HCN1: variants seen among roughly 807,000 people sequenced by gnomAD.
The protein encoded by HCN1 is potassium/sodium hyperpolarization-activated cyclic nucleotide-gated channel 1.
HCN1 carries 13 observed loss-of-function variants against 78.9 expected under a neutral mutation model. That is an observed-to-expected ratio of 0.16 (90% CI 0.11 to 0.26). The LOEUF is 0.26. Among genes scored for constraint, HCN1 ranks in the 10% least tolerant of loss-of-function variants. HCN1 has a pLI of 1.00. For synonymous variants in HCN1, 552 were observed against 455.5 expected, an observed-to-expected ratio of 1.21 and a Z score of -2.70; for missense variants, 810 against 1,154.3, an observed-to-expected ratio of 0.70 and a Z score of 4.32.
intron 1 of HCN1, among the ~76,000 whole-genome samples, chr5:45,657,390 T>C (rs1745792037): frequency 6.6e-6 from 1 of 152,218 alleles, no homozygotes; most frequent in Admixed American, 6.5e-5. Context: ...ACTTATTAAA[T>C]CTTTTTTGCT....
At chr5:45,665,443 TATA>T (rs1746018920) in intron 1 of HCN1, among the ~76,000 whole-genome samples, 1 of 151,942 alleles carries the variant, frequency 6.6e-6, no homozygotes, top group Non-Finnish European at 1.5e-5. Flanking sequence ...AAACTTAAAG[TATA>T]ATAATAATAA....
intron 5 of HCN1, among the ~76,000 whole-genome samples, chr5:45,334,517 T>C (rs1746413581): frequency 1.3e-5 from 2 of 151,958 alleles, no homozygotes; most frequent in Non-Finnish European, 2.9e-5. Context: ...CTCATTTTAC[T>C]TTTTTCTTAT....
chr5:45,538,561 A>C (rs1329160020), intron 2 of HCN1, among the ~76,000 whole-genome samples: 1 of 152,168 alleles, frequency 6.6e-6, no homozygotes, highest in Non-Finnish European at 1.5e-5. Flanking sequence ...TGATATAACT[A>C]TATATCCCAT....
intron 6 of HCN1, among the ~76,000 whole-genome samples, chr5:45,277,719 G>A (rs2111862997): frequency 6.6e-6 from 1 of 152,224 alleles, no homozygotes; most frequent in African/African-American, 2.4e-5. Context: ...AACCAGGATT[G>A]ATGCTTACTC....
At chr5:45,509,867 C>T (rs182040057) in intron 2 of HCN1, among the ~76,000 whole-genome samples, 2 of 152,210 alleles carry the variant, frequency 1.3e-5, no homozygotes, top group East Asian at 3.9e-4. Flanking sequence ...CCAGGCCATA[C>T]AGCAAAGCTG....
intron 3 of HCN1, among the ~76,000 whole-genome samples, chr5:45,397,992 A>G (rs957793030): frequency 2.0e-5 from 3 of 151,664 alleles, no homozygotes; most frequent in Non-Finnish European, 2.9e-5. Context: ...AATTTTACAT[A>G]TTTTTAAATT....
At chr5:45,491,987 G>A (rs1402724945) in intron 2 of HCN1, among the ~76,000 whole-genome samples, 1 of 152,008 alleles carries the variant, frequency 6.6e-6, no homozygotes, top group East Asian at 1.9e-4. Context: ...ACATAACCAA[G>A]TATAACAAAC....
intron 4 of HCN1, among the ~76,000 whole-genome samples, chr5:45,362,148 G>A (rs554656609): frequency 6.8e-5 from 10 of 146,582 alleles, no homozygotes; most frequent in Non-Finnish European, 1.5e-4. Context: ...TGCTTGGTGT[G>A]TGTGTTTGTG....
chr5:45,558,838 A>T (rs2111871652), intron 2 of HCN1: 1 of 151,792 alleles, frequency 6.6e-6, no homozygotes, highest in Admixed American at 6.6e-5. Context: ...GCATTATCAT[A>T]GCTTATAAGA....
At chr5:45,657,037 T>G (rs1745775977) in intron 1 of HCN1, among the ~76,000 whole-genome samples, 1 of 152,144 alleles carries the variant, frequency 6.6e-6, no homozygotes. Context: ...GAATGGGTGA[T>G]GTGTCAAGGA....
At chr5:45,429,247 C>T (rs1740414975) in intron 3 of HCN1, among the ~76,000 whole-genome samples, 2 of 152,128 alleles carry the variant, frequency 1.3e-5, no homozygotes, top group South Asian at 4.1e-4. Flanking sequence ...GAAACCAGCC[C>T]AAAAGTTAGT....
chr5:45,640,091 A>T (rs999347630), intron 2 of HCN1, among the ~76,000 whole-genome samples: 2 of 152,104 alleles, frequency 1.3e-5, no homozygotes, highest in African/African-American at 4.8e-5. Context: ...GTGCAAAGCA[A>T]TTGTGTTGCT....
chr5:45,571,870 T>G (rs751996551), intron 2 of HCN1, among the ~76,000 whole-genome samples: 1 of 152,122 alleles, frequency 6.6e-6, no homozygotes, highest in African/African-American at 2.4e-5. Context: ...GCTGAGATCA[T>G]GCCATTGCAC....
chr5:45,559,779 G>A (rs1743556565), intron 2 of HCN1: 1 of 152,212 alleles, frequency 6.6e-6, no homozygotes, highest in East Asian at 1.9e-4. Context: ...AATTTTGAGA[G>A]AAATTCCAGT....
intron 2 of HCN1, among the ~76,000 whole-genome samples, chr5:45,572,155 C>T (rs1287856957): frequency 2.6e-5 from 4 of 152,176 alleles, no homozygotes; most frequent in Admixed American, 1.3e-4. Flanking sequence ...GTGGAAATTG[C>T]TTTGATAACT....
At position 45,442,531 on chromosome 5, in the gene HCN1, G is replaced by A. The variant is rs114516730; in HGVS notation, c.1011+19315C>T. ...GTATATATATTAAATAATATAAAAC[G>A]TGCATATGCATATCTATTTGTACAT... On this transcript the variant is annotated intron_variant, in intron 3 of 7. Transcript: ENST00000303230. 4.8e-3 allele frequency among the ~76,000 whole-genome samples: 731 copies of A among 150,762 alleles called. 2 individuals are homozygous for A. Among genetic ancestry groups the A allele is most frequent in the Non-Finnish European group, 7.4e-3 (501 of 67,468 alleles).
Position 45,582,596 on chromosome 5 carries a change from G to A in HCN1, c.849+62589C>T, listed in dbSNP as rs1329013680. On this transcript the variant is annotated intron_variant, in intron 2 of 7. Transcript: ENST00000303230. Reference sequence around the variant, plus strand: ...GTGAGAGAGGGCATCCCTGTCTTGTGGCAGTTTTCAAAGGGAATACTTCCA... The same window carrying A: ...GTGAGAGAGGGCATCCCTGTCTTGTAGCAGTTTTCAAAGGGAATACTTCCA... 3.3e-5 allele frequency among the ~76,000 whole-genome samples: 5 copies of A among 152,128 alleles called. No homozygotes were observed. In the South Asian group the frequency reaches 6.2e-4, roughly 19 times the overall value.
At chr5:45,283,237 A>G (rs566495919) in intron 6 of HCN1, among the ~76,000 whole-genome samples, 1 of 152,292 alleles carries the variant, frequency 6.6e-6, no homozygotes, top group East Asian at 1.9e-4. Flanking sequence ...GAACGGCCAA[A>G]TATTTCATGA....
At chr5:45,339,860 G>T (rs1746538315) in intron 5 of HCN1, among the ~76,000 whole-genome samples, 2 of 152,172 alleles carry the variant, frequency 1.3e-5, no homozygotes, top group Admixed American at 6.6e-5. Flanking sequence ...ATTTTTTCCA[G>T]TGAAGATCAG....
Sources: allele counts gnomAD v4.1 joint callset (sites outside exome capture counted in the v4.1 genomes callset), GRCh38; gene constraint gnomAD v4.1.1; transcripts MANE v1.5; gene names NCBI Gene and HGNC (gene_info 2026-07-23, HGNC 2026-07-21).